DRC11: variants seen among roughly 807,000 people sequenced by gnomAD.
DRC11 encodes IQ and AAA domain-containing protein 1.
At chr2:236,459,497 A>ACATG in the DRC11 span, among the ~76,000 whole-genome samples, 2 of 128,292 alleles carry the variant, frequency 1.6e-5, no homozygotes, top group South Asian at 2.5e-4. Context: ...GTATACGTAT[A>ACATG]TATGTATACG....
the DRC11 span, among the ~76,000 whole-genome samples, chr2:236,311,131 G>A: frequency 3.9e-3 from 593 of 152,348 alleles, 5 homozygotes; most frequent in African/African-American, 0.014. This position sits in a 1 kb window ranked among gnomAD's most constrained non-coding sequence, Gnocchi z 6.9. Flanking sequence ...GCCCCCAGGT[G>A]TGTGCCGTGG....
chr2:236,457,697 G>C, the DRC11 span, among the ~76,000 whole-genome samples: 2 of 152,226 alleles, frequency 1.3e-5, no homozygotes, highest in Non-Finnish European at 2.9e-5. The surrounding 1 kb of genome is among the most constrained non-coding windows in gnomAD (Gnocchi z 4.7). Context: ...AAGGAGATTA[G>C]ACGCACATAG....
chr2:236,334,665 C>G, the DRC11 span, among the ~76,000 whole-genome samples: 1 of 152,294 alleles, frequency 6.6e-6, no homozygotes, highest in South Asian at 2.1e-4. The surrounding 1 kb of genome is among the most constrained non-coding windows in gnomAD (Gnocchi z 7.8). Flanking sequence ...TCTGTCTTGG[C>G]TGGCGCTCGA....
chr2:236,478,635 G>A, the DRC11 span, among the ~76,000 whole-genome samples: 1 of 152,072 alleles, frequency 6.6e-6, no homozygotes, highest in Non-Finnish European at 1.5e-5. The surrounding 1 kb of genome is among the most constrained non-coding windows in gnomAD (Gnocchi z 5.9). Context: ...ATGGGGTGTT[G>A]AAGCTACCTA....
chr2:236,354,554 T>C, the DRC11 span, among the ~76,000 whole-genome samples: 1 of 152,158 alleles, frequency 6.6e-6, no homozygotes, highest in East Asian at 1.9e-4. Context: ...GAATGGACTC[T>C]AGCCAGCTTG....
At chr2:236,459,023 C>T in the DRC11 span, among the ~76,000 whole-genome samples, 6 of 151,852 alleles carry the variant, frequency 4.0e-5, no homozygotes, top group East Asian at 1.9e-4. Flanking sequence ...CCAGCCTGGG[C>T]GACAGAGTAA....
the DRC11 span, chr2:236,331,882 G>A: frequency 1.0e-4 from 39 of 385,906 alleles, no homozygotes; most frequent in Non-Finnish European, 1.6e-4. This position sits in a 1 kb window ranked among gnomAD's most constrained non-coding sequence, Gnocchi z 4.8. Flanking sequence ...TAGTTTTAAT[G>A]TGGTACCTGT....
chr2:236,444,997 C>A, the DRC11 span, among the ~76,000 whole-genome samples: 1 of 152,220 alleles, frequency 6.6e-6, no homozygotes, highest in African/African-American at 2.4e-5. Context: ...CCGCCACAGA[C>A]CCGTGCATCG....
the DRC11 span, among the ~76,000 whole-genome samples, chr2:236,496,956 T>C: frequency 5.3e-5 from 8 of 152,242 alleles, no homozygotes; most frequent in African/African-American, 1.9e-4. This position sits in a 1 kb window ranked among gnomAD's most constrained non-coding sequence, Gnocchi z 6.3. Flanking sequence ...AGCCAAGAAG[T>C]GTGCAGATGC....
the DRC11 span, among the ~76,000 whole-genome samples, chr2:236,345,920 G>T: frequency 6.6e-6 from 1 of 152,212 alleles, no homozygotes; most frequent in East Asian, 1.9e-4. Flanking sequence ...ACACTCTACT[G>T]TGTCTGCCTC....
At chr2:236,436,992 C>T in the DRC11 span, among the ~76,000 whole-genome samples, 1 of 151,704 alleles carries the variant, frequency 6.6e-6, no homozygotes, top group South Asian at 2.1e-4. Flanking sequence ...GCACAATGTG[C>T]AGGTTAGTTA....
the DRC11 span, among the ~76,000 whole-genome samples, chr2:236,499,382 C>T: frequency 2.0e-5 from 3 of 152,194 alleles, no homozygotes; most frequent in Admixed American, 2.0e-4. The surrounding 1 kb of genome is among the most constrained non-coding windows in gnomAD (Gnocchi z 4.7). Flanking sequence ...CCCACATTCT[C>T]TGCCCTTCCT....
the DRC11 span, among the ~76,000 whole-genome samples, chr2:236,411,699 T>C: frequency 1.4e-4 from 21 of 146,380 alleles, no homozygotes; most frequent in East Asian, 2.0e-4. Context: ...ATATACACCA[T>C]GGAATACTAT....
At chr2:236,491,185 A>T in the DRC11 span, among the ~76,000 whole-genome samples, 28 of 56,824 alleles carry the variant, frequency 4.9e-4, no homozygotes, top group African/African-American at 2.2e-3. Flanking sequence ...ATATATACAC[A>T]CAGTATATAT....
the DRC11 span, among the ~76,000 whole-genome samples, chr2:236,322,495 C>T: frequency 1.3e-5 from 2 of 152,094 alleles, no homozygotes; most frequent in Non-Finnish European, 2.9e-5. Flanking sequence ...ATCCACCCGC[C>T]TCGGCCTCCC....
the DRC11 span, among the ~76,000 whole-genome samples, chr2:236,487,333 T>C: frequency 6.6e-6 from 1 of 152,186 alleles, no homozygotes; most frequent in African/African-American, 2.4e-5. Context: ...AACAGACTCT[T>C]ATCCATCCTT....
chr2:236,465,945 A>G, the DRC11 span, among the ~76,000 whole-genome samples: 1 of 152,192 alleles, frequency 6.6e-6, no homozygotes, highest in Non-Finnish European at 1.5e-5. This position sits in a 1 kb window ranked among gnomAD's most constrained non-coding sequence, Gnocchi z 6.2. Flanking sequence ...CAGCTTCAGT[A>G]TGTTTGAGGT....
the DRC11 span, among the ~76,000 whole-genome samples, chr2:236,476,696 C>A: frequency 1.3e-5 from 2 of 152,042 alleles, no homozygotes; most frequent in Admixed American, 6.6e-5. This position sits in a 1 kb window ranked among gnomAD's most constrained non-coding sequence, Gnocchi z 4.7. Flanking sequence ...TGGGATGAAT[C>A]CCACTAGGTC....
At chr2:236,404,161 T>TAAAAAAAAAAA in the DRC11 span, among the ~76,000 whole-genome samples, 1 of 91,548 alleles carries the variant, frequency 1.1e-5, no homozygotes, top group Non-Finnish European at 2.3e-5. Flanking sequence ...AATGGAGAGT[T>TAAAAAAAAAAA]AAAAAAAAAA....
Sources: gnomAD v4.1 joint callset for allele counts (sites outside exome capture counted in the v4.1 genomes callset) on GRCh38, gnomAD v4.1.1 for gene constraint, Gnocchi (gnomAD v3.1) non-coding constraint, MANE v1.5 for transcripts, NCBI Gene and HGNC (gene_info 2026-07-23, HGNC 2026-07-21) for gene names.